SPAST: variants seen among roughly 807,000 people sequenced by gnomAD.
SPAST encodes the protein spastin, also known as spastic paraplegia 4 (autosomal dominant; spastin).
Under a neutral mutation model 76.6 loss-of-function variants are expected in SPAST, and 30 were observed. That is an observed-to-expected ratio of 0.39 (90% CI 0.29 to 0.53). SPAST has a LOEUF of 0.53. SPAST is among the 20% of genes least tolerant of loss of function. SPAST has a pLI of 0.68. For synonymous variants in SPAST, 305 were observed against 281.0 expected, an observed-to-expected ratio of 1.09 and a Z score of -0.86; for missense variants, 717 against 770.5, an observed-to-expected ratio of 0.93 and a Z score of 0.82.
chr2:32,136,605 G>T lies in SPAST; in HGVS notation c.1288G>T (p.Ala430Ser). The T allele has an allele frequency of 6.2e-7, 1 of 1,613,674 alleles. No individual in the cohort carries two copies. Among genetic ancestry groups the T allele is most frequent in the South Asian group, 1.1e-5 (1 of 91,064 alleles). Residue 430 changes from alanine (A) to serine (S), a missense_variant, in exon 10 of 17, where the codon GCT becomes TCT. This residue lies in a region of SPAST where 78 missense variants were observed against 197.6 expected (regional missense o/e 0.39). Transcript: ENST00000315285. The stretch of plus-strand genomic sequence containing the variant: ...ATTGGTGAGGGCTCTTTTTGCTGTG[G>T]CTCGAGAACTTCAACCTTCTATAAT... ...EKLVRALFAVARELQPSIIFI... is the reference protein window; with the variant it reads ...EKLVRALFAVSRELQPSIIFI...
intron 1 of SPAST, among the ~76,000 whole-genome samples, chr2:32,074,583 T>G (rs71446042): frequency 0.098 from 14,912 of 151,960 alleles, 796 homozygotes; most frequent in Middle Eastern, 0.19. Context: ...CTCAGCTCAC[T>G]GCAGCCTCTG....
chr2:32,069,851 G>T (rs1573038257), intron 1 of SPAST, among the ~76,000 whole-genome samples: 1 of 151,760 alleles, frequency 6.6e-6, no homozygotes, highest in South Asian at 2.1e-4. Context: ...GAGCCACTGC[G>T]CCTGGCCTAC....
At chr2:32,148,125 G>T (rs530883526) in intron 16 of SPAST, among the ~76,000 whole-genome samples, 2 of 151,882 alleles carry the variant, frequency 1.3e-5, no homozygotes, top group African/African-American at 4.8e-5. Context: ...TAGAGATGGT[G>T]TCTCTCCCTG....
intron 4 of SPAST, among the ~76,000 whole-genome samples, chr2:32,113,620 C>T (rs948851679): frequency 6.8e-5 from 9 of 132,480 alleles, no homozygotes; most frequent in African/African-American, 2.3e-4. Context: ...GGCTGGAGTG[C>T]AGTAGTGCAA....
At position 32,063,825 on chromosome 2, in the gene SPAST, G is replaced by C; in HGVS notation, c.-7G>C. 5 of 1,566,148 alleles carry C rather than the reference G, an allele frequency of 3.2e-6. No individual in the cohort carries two copies. Among genetic ancestry groups the C allele is most frequent in the Non-Finnish European group, 4.3e-6 (5 of 1,164,604 alleles). ...GGTTATGGCGGCGGCGGCAGTGAGA[G>C]CTGTGAATGAATTCTCCGGGTGGAC... On this transcript the variant is annotated 5_prime_UTR_variant, in exon 1 of 17. Coordinates refer to ENST00000315285, the MANE Select transcript of SPAST (RefSeq NM_014946.4).
In SPAST at chr2:32,072,356, A is replaced by G. The variant is rs114108712; in HGVS notation, c.415+8110A>G. ...CTGTGCCCGGCCTCAAAATACTTCA[A>G]TTTCTTTCATGGCCTGCTATCTGAC... On this transcript the variant is annotated intron_variant, in intron 1 of 16. Transcript: ENST00000315285. 7.5e-3 allele frequency among the ~76,000 whole-genome samples: 1,144 copies of G among 152,180 alleles called. 14 individuals carry two copies. Among genetic ancestry groups the G allele is most frequent in the African/African-American group, 0.025 (1,028 of 41,526 alleles).
At chr2:32,067,835 TAA>T (rs1197979814) in intron 1 of SPAST, among the ~76,000 whole-genome samples, 6 of 146,250 alleles carry the variant, frequency 4.1e-5, no homozygotes, top group African/African-American at 1.5e-4. Flanking sequence ...TTTTGAACAA[TAA>T]AAAAAAAATA....
intron 1 of SPAST, among the ~76,000 whole-genome samples, chr2:32,081,164 GGCCAGGCTGGTCTCGAACTC>G: frequency 6.6e-6 from 1 of 151,594 alleles, no homozygotes; most frequent in East Asian, 2.0e-4. Flanking sequence ...TCACCATCTT[GGCCAGGCTGGTCTCGAACTC>G]CTGATCTCAT....
In SPAST at chr2:32,082,657, T is replaced by C. The variant is rs1471321142; in HGVS notation, c.416-4835T>C. ...GTTCCAGGGAGCTGAGATCGTGCCA[T>C]TGTACTCCAGCCTGGGCAACAAGAG... is the stretch of plus-strand genomic sequence containing the variant. On this transcript the variant is annotated intron_variant, in intron 1 of 16. Coordinates refer to ENST00000315285, the MANE Select transcript of SPAST (RefSeq NM_014946.4). 4.6e-5 allele frequency among the ~76,000 whole-genome samples: 7 copies of C among 152,106 alleles called. No homozygotes were observed. In the East Asian group the frequency reaches 7.8e-4, roughly 17 times the overall value.
intron 16 of SPAST, among the ~76,000 whole-genome samples, chr2:32,150,298 G>C (rs1680039309): frequency 7.2e-6 from 1 of 139,672 alleles, no homozygotes; most frequent in African/African-American, 2.7e-5. Flanking sequence ...CACCATGTTG[G>C]CCAGGATGGT....
intron 15 of SPAST, among the ~76,000 whole-genome samples, chr2:32,145,313 T>C (rs1371247695): frequency 6.6e-6 from 1 of 152,164 alleles, no homozygotes; most frequent in Non-Finnish European, 1.5e-5. Context: ...CCCAAGCTGG[T>C]CTTGAACTCC....
At chr2:32,125,621 G>T (rs1424404346) in intron 7 of SPAST, among the ~76,000 whole-genome samples, 1 of 151,960 alleles carries the variant, frequency 6.6e-6, no homozygotes, top group Non-Finnish European at 1.5e-5. Flanking sequence ...GATGTTTTCA[G>T]TCTGGAGCTC....
intron 1 of SPAST, among the ~76,000 whole-genome samples, chr2:32,075,918 T>TTTG (rs33998383): frequency 2.8e-5 from 4 of 144,084 alleles, no homozygotes; most frequent in Admixed American, 7.0e-5. Context: ...TTTTTTTTTT[T>TTTG]GAGACAGAGT....
chr2:32,135,597 T>C (rs1438323409), intron 9 of SPAST, among the ~76,000 whole-genome samples: 1 of 152,102 alleles, frequency 6.6e-6, no homozygotes, highest in Non-Finnish European at 1.5e-5. Context: ...CTTTGTATGG[T>C]GTCAGCACCT....
intron 15 of SPAST, 76 bp downstream of exon 15, chr2:32,145,083 C>G: frequency 1.8e-6 from 2 of 1,108,944 alleles, no homozygotes; most frequent in Non-Finnish European, 2.7e-6. Flanking sequence ...CCAAAAAAAT[C>G]TACCAAGAGA....
At position 32,154,391 on chromosome 2, in the gene SPAST, A is replaced by T; in HGVS notation, c.1746A>T (p.Leu582Phe). Residue 582 changes from leucine to phenylalanine, a missense_variant, in exon 17 of 17, where the codon TTA becomes TTT. This residue lies in a region of SPAST where 96 missense variants were observed against 127.6 expected (regional missense o/e 0.75). Transcript: ENST00000315285. Reference protein sequence around the residue: ...MSASEMRNIRLSDFTESLKKI... With the variant: ...MSASEMRNIRFSDFTESLKKI... ...AAATCTAGATGAGAAATATTCGATT[A>T]TCTGACTTCACTGAATCCTTGAAAA... 6.2e-7 allele frequency: 1 copy of T among 1,613,200 alleles called. No homozygotes were observed. Among genetic ancestry groups the T allele is most frequent in the Non-Finnish European group, 8.5e-7 (1 of 1,179,154 alleles).
chr2:32,116,116 T>C lies in SPAST; in HGVS notation c.1005-3T>C. ...TAGAACTAACTGAGGTCTTGTTTCT[T>C]AGTGGAACAGCTGTTAAATTTGATG... On this transcript the variant is annotated splice_region_variant and splice_polypyrimidine_tract_variant and intron_variant, in intron 6 of 16. Coordinates refer to ENST00000315285, the MANE Select transcript of SPAST (RefSeq NM_014946.4). The C allele has an allele frequency of 6.2e-7, 1 of 1,609,024 alleles. No individual in the cohort carries two copies. Among genetic ancestry groups the C allele is most frequent in the South Asian group, 1.1e-5 (1 of 90,960 alleles).
At position 32,104,154 on chromosome 2, in the gene SPAST, T is replaced by G. The variant is rs1177376351; in HGVS notation, c.682+5263T>G. On this transcript the variant is annotated intron_variant, in intron 4 of 16. Coordinates refer to ENST00000315285, the MANE Select transcript of SPAST (RefSeq NM_014946.4). ...GGTGCTCCTGTATTGGGTGCATATA[T>G]ATTTAGGATAGTTAGCTCTTCTTGT... Among the ~76,000 whole-genome samples the G allele has an allele frequency of 2.0e-5, 3 of 152,344 alleles. No homozygotes were observed. In the East Asian group the frequency reaches 5.8e-4, roughly 29 times the overall value.
rs756347073 is a variant in SPAST, at chr2:32,154,866, ATTTG to A, written c.*380_*383del. On this transcript the variant is annotated 3_prime_UTR_variant, in exon 17 of 17. Coordinates refer to ENST00000315285, the MANE Select transcript of SPAST (RefSeq NM_014946.4). ...AGTGAATGGTAGAAGACACAAGAAC[ATTTG>A]TTTGTTTGTCTTCTGATGTTTTTTC... is the stretch of plus-strand genomic sequence containing the variant. The A allele has an allele frequency of 2.0e-3, 363 of 185,720 alleles. No individual in the cohort carries two copies. The highest frequency in any genetic ancestry group is 2.8e-3 in the Non-Finnish European group (245 of 88,138). 11.5% of individuals were successfully genotyped at this position (185,720 alleles called of 1,614,324 possible).
Sources: gnomAD v4.1 joint callset for allele counts (sites outside exome capture counted in the v4.1 genomes callset) on GRCh38, gnomAD v4.1.1 for gene constraint, gnomAD v4.1.1 regional missense constraint, MANE v1.5 for transcripts, NCBI Gene and HGNC (gene_info 2026-07-23, HGNC 2026-07-21) for gene names.